KCNIP4: variants seen among roughly 807,000 people sequenced by gnomAD.
KCNIP4 encodes the protein potassium voltage-gated channel interacting protein 4.
KCNIP4 carries 12 observed loss-of-function variants against 34.0 expected under a neutral mutation model. That is an observed-to-expected ratio of 0.35 (90% CI 0.23 to 0.57). The LOEUF is 0.57. KCNIP4 is among the 20% of genes least tolerant of loss of function. The pLI is 0.83. For synonymous variants in KCNIP4, 124 were observed against 102.2 expected, an observed-to-expected ratio of 1.21 and a Z score of -1.29; for missense variants, 238 against 311.7, an observed-to-expected ratio of 0.76 and a Z score of 1.78.
chr4:21,648,636 T>A (rs145665349), intron 1 of KCNIP4, among the ~76,000 whole-genome samples: 1,790 of 152,020 alleles, frequency 0.012, 34 homozygotes, highest in African/African-American at 0.04. Flanking sequence ...TAGAGACACA[T>A]TCAATAGAAA....
At chr4:20,936,921 G>A (rs1486083115) in intron 1 of KCNIP4, among the ~76,000 whole-genome samples, 1 of 152,018 alleles carries the variant, frequency 6.6e-6, no homozygotes, top group East Asian at 1.9e-4. Context: ...GGCTACTCTG[G>A]GCCCTCAGAA....
At chr4:21,330,003 G>A (rs143717943) in intron 1 of KCNIP4, among the ~76,000 whole-genome samples, 82 of 152,206 alleles carry the variant, frequency 5.4e-4, no homozygotes, top group African/African-American at 1.4e-3. Flanking sequence ...GTTCATTACC[G>A]TAGGATAATT....
At chr4:21,849,630 T>C (rs573492846) in intron 1 of KCNIP4, 5 of 152,124 alleles carry the variant, frequency 3.3e-5, no homozygotes, top group Non-Finnish European at 7.4e-5. Flanking sequence ...ACAGTACTTA[T>C]ACAAAATGAT....
chr4:20,949,859 G>C (rs1256105018), intron 1 of KCNIP4, among the ~76,000 whole-genome samples: 6 of 133,572 alleles, frequency 4.5e-5, no homozygotes, highest in African/African-American at 1.6e-4. Context: ...GGACGGTTGG[G>C]GGGTGGGGGG....
At chr4:21,035,359 A>C (rs966391012) in intron 1 of KCNIP4, among the ~76,000 whole-genome samples, 1 of 152,212 alleles carries the variant, frequency 6.6e-6, no homozygotes, top group Non-Finnish European at 1.5e-5. Flanking sequence ...GAAAAAGTAG[A>C]GTGGTTGAAG....
chr4:21,947,077 C>T (rs1257481763), intron 1 of KCNIP4, among the ~76,000 whole-genome samples: 1 of 152,186 alleles, frequency 6.6e-6, no homozygotes, highest in Admixed American at 6.5e-5. Context: ...CTGCCATCTG[C>T]TCCAGCCTTG....
chr4:21,343,680 G>T (rs1716989075), intron 1 of KCNIP4, among the ~76,000 whole-genome samples: 3 of 152,046 alleles, frequency 2.0e-5, no homozygotes, highest in Admixed American at 2.0e-4. Flanking sequence ...ATCACAAAAT[G>T]TACACTTTCT....
intron 2 of KCNIP4, among the ~76,000 whole-genome samples, chr4:20,876,248 G>A (rs906131379): frequency 3.9e-5 from 6 of 152,052 alleles, no homozygotes; most frequent in African/African-American, 1.4e-4. Context: ...TATCTAGTAA[G>A]TGCCTTTTTG....
chr4:20,820,065 G>A (rs1157225796), intron 3 of KCNIP4, among the ~76,000 whole-genome samples: 1 of 152,194 alleles, frequency 6.6e-6, no homozygotes, highest in African/African-American at 2.4e-5. Context: ...GGTAGATTTT[G>A]GAACCGAATG....
intron 1 of KCNIP4, among the ~76,000 whole-genome samples, chr4:21,170,864 A>T (rs942101212): frequency 1.3e-5 from 2 of 152,152 alleles, no homozygotes; most frequent in African/African-American, 4.8e-5. Flanking sequence ...TTGTTTTCTA[A>T]TTTTTCTTTA....
chr4:21,876,979 A>AG (rs1482942717), intron 1 of KCNIP4, among the ~76,000 whole-genome samples: 4 of 151,874 alleles, frequency 2.6e-5, no homozygotes, highest in African/African-American at 4.8e-5. Flanking sequence ...CTGGATTAGG[A>AG]GAAAAAAAAA....
chr4:21,859,642 A>G (rs1383618957), intron 1 of KCNIP4, among the ~76,000 whole-genome samples: 1 of 151,816 alleles, frequency 6.6e-6, no homozygotes, highest in Non-Finnish European at 1.5e-5. Flanking sequence ...AAAAAAAAGG[A>G]ATAGTGCTCT....
chr4:20,765,550 C>G (rs1755323432), intron 3 of KCNIP4, among the ~76,000 whole-genome samples: 1 of 152,178 alleles, frequency 6.6e-6, no homozygotes, highest in Admixed American at 6.5e-5. Flanking sequence ...TTCCTGTGTG[C>G]CACATACTCT....
chr4:21,868,181 A>G (rs1378292982), intron 1 of KCNIP4, among the ~76,000 whole-genome samples: 1 of 152,190 alleles, frequency 6.6e-6, no homozygotes, highest in East Asian at 1.9e-4. Context: ...ACATCAGAAC[A>G]CATTCATTCC....
intron 1 of KCNIP4, among the ~76,000 whole-genome samples, chr4:21,595,143 A>C (rs1415601161): frequency 6.6e-6 from 1 of 151,686 alleles, no homozygotes; most frequent in Admixed American, 6.6e-5. Context: ...CTACCCTTGC[A>C]CCCCAACCCT....
At chr4:21,706,831 A>C (rs1713308193) in intron 1 of KCNIP4, among the ~76,000 whole-genome samples, 1 of 152,198 alleles carries the variant, frequency 6.6e-6, no homozygotes, top group Admixed American at 6.6e-5. Flanking sequence ...TGCAGCATAA[A>C]AATAGCACAC....
rs1053362843 is a variant in KCNIP4 at position 21,483,814 on chromosome 4, A to G, written c.61+464757T>C. Among the ~76,000 whole-genome samples, 12 of 151,152 alleles carry G rather than the reference A, an allele frequency of 7.9e-5. No homozygotes were observed. The East Asian group carries it at 2.0e-3, about 25-fold the overall frequency. ...CAAAAATAAAAATAAAAATAAAAAT[A>G]AAAATAAAAATAAAAATGTGTGTGG... On this transcript the variant is annotated intron_variant, in intron 1 of 8. Transcript: ENST00000382152.
At chr4:21,013,898 C>T (rs190425390) in intron 1 of KCNIP4, among the ~76,000 whole-genome samples, 1 of 152,248 alleles carries the variant, frequency 6.6e-6, no homozygotes, top group Non-Finnish European at 1.5e-5. Flanking sequence ...CTTTGAAACT[C>T]TTTACCTTGT....
chr4:20,832,596 A>T (rs960274330), intron 3 of KCNIP4, among the ~76,000 whole-genome samples: 1 of 152,098 alleles, frequency 6.6e-6, no homozygotes, highest in Non-Finnish European at 1.5e-5. Context: ...TTGAAGATCA[A>T]TAGGGAATAT....
Sources: gnomAD v4.1 joint callset for allele counts (sites outside exome capture counted in the v4.1 genomes callset) on GRCh38, gnomAD v4.1.1 for gene constraint, MANE v1.5 for transcripts, NCBI Gene and HGNC (gene_info 2026-07-23, HGNC 2026-07-21) for gene names.